UBE2E3: variants seen among roughly 807,000 people sequenced by gnomAD.
UBE2E3 encodes ubiquitin-conjugating enzyme E2 E3.
UBE2E3 carries 5 observed loss-of-function variants against 23.6 expected under a neutral mutation model. That is an observed-to-expected ratio of 0.21 (90% confidence interval 0.11 to 0.44). The LOEUF is 0.44. Ranked by LOEUF, UBE2E3 falls within the 20% of genes least tolerant of loss-of-function variation. The pLI is 0.99. For synonymous variants in UBE2E3, 78 were observed against 87.5 expected (o/e 0.89, Z 0.60); for missense variants, 81 against 249.8 (o/e 0.32, Z 4.55).
In UBE2E3 at chr2:181,041,234, C is replaced by CAAAAAAAAAAAAAAAAA. The variant is rs1206207155; in HGVS notation, c.246-16456_246-16440dup. Among the ~76,000 whole-genome samples, 307 of 77,100 alleles carry CAAAAAAAAAAAAAAAAA rather than the reference C, an allele frequency of 4.0e-3. 44 individuals are homozygous for CAAAAAAAAAAAAAAAAA. The highest frequency in any genetic ancestry group is 5.1e-3 in the Non-Finnish European group (212 of 41,940). 50.6% of individuals were successfully genotyped at this position (77,100 alleles called of 152,430 possible). A position where few individuals can be genotyped will look rare whatever the true frequency, so the allele number is the denominator to read the frequency against. On this transcript the variant is annotated intron_variant, in intron 3 of 5. Coordinates refer to ENST00000410062, the MANE Select transcript of UBE2E3 (RefSeq NM_006357.4). ...CTAACGACAGAGCAAGACTCCGTCT[C>CAAAAAAAAAAAAAAAAA]AAAAAAAAAAAAAAAAAAAGATAGA...
At chr2:181,008,767 A>G (rs564469174) in intron 3 of UBE2E3, among the ~76,000 whole-genome samples, 1 of 152,324 alleles carries the variant, frequency 6.6e-6, no homozygotes, top group South Asian at 2.1e-4. Context: ...TAAGTCAGGT[A>G]TGTATCCCAC....
intron 3 of UBE2E3, among the ~76,000 whole-genome samples, chr2:181,016,945 G>T (rs1179360750): frequency 6.6e-6 from 1 of 152,198 alleles, no homozygotes; most frequent in Non-Finnish European, 1.5e-5. Context: ...AGAAGCCAGA[G>T]CCTGGAAATG....
At chr2:180,996,837 G>A (rs969583399) in intron 3 of UBE2E3, among the ~76,000 whole-genome samples, 1 of 152,048 alleles carries the variant, frequency 6.6e-6, no homozygotes, top group African/African-American at 2.4e-5. Flanking sequence ...ACATTTGTGT[G>A]ATTTTTACTG....
chr2:180,981,655 T>G (rs1684297475), intron 1 of UBE2E3, among the ~76,000 whole-genome samples: 1 of 152,198 alleles, frequency 6.6e-6, no homozygotes, highest in African/African-American at 2.4e-5. Context: ...ATTAGTGACT[T>G]TTAAACATTT....
chr2:181,056,840 T>A (rs1228057602), intron 3 of UBE2E3, among the ~76,000 whole-genome samples: 2 of 151,754 alleles, frequency 1.3e-5, no homozygotes, highest in Non-Finnish European at 2.9e-5. Context: ...GAAAATTGGA[T>A]AGCAGTTTGT....
intron 3 of UBE2E3, among the ~76,000 whole-genome samples, chr2:180,992,359 A>T (rs924708802): frequency 6.6e-6 from 1 of 152,146 alleles, no homozygotes; most frequent in Non-Finnish European, 1.5e-5. Flanking sequence ...AATACTTTGG[A>T]TGTATTTTGC....
chr2:180,997,250 T>C (rs1684852433), intron 3 of UBE2E3, among the ~76,000 whole-genome samples: 1 of 152,074 alleles, frequency 6.6e-6, no homozygotes, highest in Non-Finnish European at 1.5e-5. Context: ...TCTATCTCTA[T>C]TTATTTTTTT....
intron 3 of UBE2E3, among the ~76,000 whole-genome samples, chr2:181,015,940 A>G (rs1685472708): frequency 6.7e-6 from 1 of 149,796 alleles, no homozygotes; most frequent in Non-Finnish European, 1.5e-5. Flanking sequence ...TGTTTCTGTT[A>G]TATAGTACCA....
intron 3 of UBE2E3, among the ~76,000 whole-genome samples, chr2:181,038,664 G>C (rs1686376668): frequency 1.3e-5 from 2 of 152,160 alleles, no homozygotes. Context: ...CACAGAAAGG[G>C]AGAAAATAAT....
intron 2 of UBE2E3, among the ~76,000 whole-genome samples, chr2:180,983,246 T>C (rs1215197119): frequency 5.3e-5 from 8 of 152,240 alleles, no homozygotes; most frequent in South Asian, 2.1e-4. Flanking sequence ...TTCACCCTTA[T>C]TGTCTCAGTA....
chr2:181,006,837 C>G (rs1477771605), intron 3 of UBE2E3, among the ~76,000 whole-genome samples: 3 of 152,164 alleles, frequency 2.0e-5, no homozygotes. Context: ...TCAGAGAAGA[C>G]TGACTTTTGA....
At chr2:181,028,229 GTCTTGGCA>G (rs1480066912) in intron 3 of UBE2E3, among the ~76,000 whole-genome samples, 2 of 151,888 alleles carry the variant, frequency 1.3e-5, no homozygotes, top group Non-Finnish European at 2.9e-5. Flanking sequence ...ATTTATTTGA[GTCTTGGCA>G]TGTAGCTATA....
chr2:180,990,309 A>G (rs1684617796), intron 3 of UBE2E3, among the ~76,000 whole-genome samples: 1 of 152,242 alleles, frequency 6.6e-6, no homozygotes, highest in Non-Finnish European at 1.5e-5. Context: ...TACATAGGAC[A>G]GACCCCCACA....
At chr2:181,040,474 T>C (rs1686454034) in intron 3 of UBE2E3, among the ~76,000 whole-genome samples, 1 of 152,244 alleles carries the variant, frequency 6.6e-6, no homozygotes, top group African/African-American at 2.4e-5. Flanking sequence ...AGTGCATTTT[T>C]TCATGGTTGA....
intron 3 of UBE2E3, among the ~76,000 whole-genome samples, chr2:181,041,361 A>G (rs1686498668): frequency 6.6e-6 from 1 of 151,696 alleles, no homozygotes; most frequent in Admixed American, 6.6e-5. Flanking sequence ...AGAACATACT[A>G]CTTTTTATAT....
chr2:180,995,279 T>A (rs1326619994), intron 3 of UBE2E3, among the ~76,000 whole-genome samples: 1 of 152,178 alleles, frequency 6.6e-6, no homozygotes, highest in Non-Finnish European at 1.5e-5. Flanking sequence ...AAGAAAAAGT[T>A]GTAATTGCTT....
At chr2:181,051,860 C>T (rs1439093040) in intron 3 of UBE2E3, among the ~76,000 whole-genome samples, 1 of 151,834 alleles carries the variant, frequency 6.6e-6, no homozygotes, top group Non-Finnish European at 1.5e-5. Context: ...TTACTATTCT[C>T]TGTGTTTTCT....
At chr2:181,000,721 A>AT (rs1265616388) in intron 3 of UBE2E3, among the ~76,000 whole-genome samples, 1 of 151,834 alleles carries the variant, frequency 6.6e-6, no homozygotes, top group Non-Finnish European at 1.5e-5. Flanking sequence ...CACCTGACTA[A>AT]TTTTTTGTAT....
chr2:181,038,901 A>G (rs773783385), intron 3 of UBE2E3, among the ~76,000 whole-genome samples: 22 of 152,284 alleles, frequency 1.4e-4, no homozygotes, highest in Non-Finnish European at 2.2e-4. Flanking sequence ...TAGAATGGTT[A>G]AAATAATTAT....
Sources: gnomAD v4.1 joint callset for allele counts (sites outside exome capture counted in the v4.1 genomes callset) on GRCh38, gnomAD v4.1.1 for gene constraint, MANE v1.5 for transcripts, NCBI Gene and HGNC (gene_info 2026-07-23, HGNC 2026-07-21) for gene names.